CNTNAP5: variants seen among roughly 807,000 people sequenced by gnomAD.
CNTNAP5 encodes contactin associated protein family member 5.
In CNTNAP5, 72 loss-of-function variants were observed where a neutral mutation model predicts 150.2. The ratio of observed to expected loss-of-function variants is 0.48; its 90% confidence interval spans 0.40 to 0.58. The LOEUF is 0.58. Ranked by LOEUF, CNTNAP5 falls within the 20% of genes least tolerant of loss-of-function variation. The probability of loss-of-function intolerance (pLI) is 0.00; values close to 1 mark genes in which losing one functional copy is unlikely to be tolerated. For synonymous variants in CNTNAP5, 672 were observed against 619.8 expected (o/e 1.08, Z -1.25); for missense variants, 1,636 against 1,626.2 (o/e 1.01, Z -0.10).
At position 124,504,223 on chromosome 2, in the gene CNTNAP5, GT is replaced by G; in HGVS notation, c.1063-66del. The G allele has an allele frequency of 2.7e-6, 4 of 1,494,258 alleles. No homozygotes were observed. In the South Asian group the frequency reaches 4.9e-5, roughly 18 times the overall value. 92.6% of individuals were successfully genotyped at this position (1,494,258 alleles called of 1,614,324 possible). A position where few individuals can be genotyped will look rare whatever the true frequency, so the allele number is the denominator to read the frequency against. On this transcript the variant is annotated intron_variant, in intron 7 of 23. Coordinates refer to ENST00000682447, the MANE Select transcript of CNTNAP5 (RefSeq NM_001367498.1). ...AAATTAAGGTCAGCTCCAGGTGGTT[GT>G]TTATATCAGCTGTCAGATTGCGGAA...
chr2:124,218,803 G>C (rs1686228727), intron 1 of CNTNAP5, among the ~76,000 whole-genome samples: 1 of 152,124 alleles, frequency 6.6e-6, no homozygotes, highest in Admixed American at 6.6e-5. Context: ...TGAGAGTCTG[G>C]ACTGATAGAT....
chr2:124,124,821 C>T (rs565104629), intron 1 of CNTNAP5, among the ~76,000 whole-genome samples: 2 of 152,088 alleles, frequency 1.3e-5, no homozygotes, highest in Non-Finnish European at 2.9e-5. Context: ...CTAAGCTTCA[C>T]AAGTGGAGGA....
In CNTNAP5 at chr2:124,583,500, G is replaced by A. The variant is rs572114485; in HGVS notation, c.1756+20177G>A. On this transcript the variant is annotated intron_variant, in intron 11 of 23. Transcript: ENST00000682447. Reference sequence around the variant, plus strand: ...AAAGAGACAGTAGTATTAACCCATTGCAGTTCAATATTTTGTTTTTACTGA... The same window carrying A: ...AAAGAGACAGTAGTATTAACCCATTACAGTTCAATATTTTGTTTTTACTGA... Among the ~76,000 whole-genome samples the A allele has an allele frequency of 9.2e-5, 14 of 152,298 alleles. No individual in the cohort carries two copies. In the South Asian group the frequency reaches 2.7e-3, roughly 29 times the overall value.
chr2:124,656,333 C>A (rs1247763223), intron 13 of CNTNAP5, among the ~76,000 whole-genome samples: 1 of 152,106 alleles, frequency 6.6e-6, no homozygotes, highest in East Asian at 1.9e-4. Flanking sequence ...GGGTTTGGCC[C>A]TCCATTTTTT....
chr2:124,795,326 T>G (rs1681821892), intron 18 of CNTNAP5, among the ~76,000 whole-genome samples: 2 of 152,142 alleles, frequency 1.3e-5, no homozygotes, highest in African/African-American at 2.4e-5. Flanking sequence ...CCATCCCATT[T>G]CCAGCTCCTT....
chr2:124,394,582 T>C (rs77687593), intron 3 of CNTNAP5, among the ~76,000 whole-genome samples: 2 of 152,258 alleles, frequency 1.3e-5, no homozygotes, highest in East Asian at 1.9e-4. Context: ...GGAGAAGTTA[T>C]ATATTGAACA....
At chr2:124,048,218 T>A (rs754160116) in intron 1 of CNTNAP5, among the ~76,000 whole-genome samples, 1 of 152,162 alleles carries the variant, frequency 6.6e-6, no homozygotes, top group South Asian at 2.1e-4. Context: ...CATGGTGTCA[T>A]GGGGGAATGC....
Position 124,219,568 on chromosome 2 carries a change from C to T in CNTNAP5, c.83-2137C>T, listed in dbSNP as rs184602451. Among the ~76,000 whole-genome samples, 11 of 151,928 alleles carry T rather than the reference C, an allele frequency of 7.2e-5. No homozygotes were observed. In the East Asian group the frequency reaches 1.7e-3, roughly 24 times the overall value. ...AGAAGGCTTCTGTGAATGTAGATACCGTATTGATGCTTAAGACCTATATAT... is the reference window on the plus strand; with the variant it reads ...AGAAGGCTTCTGTGAATGTAGATACTGTATTGATGCTTAAGACCTATATAT... On this transcript the variant is annotated intron_variant, in intron 1 of 23. Transcript: ENST00000682447.
intron 1 of CNTNAP5, among the ~76,000 whole-genome samples, chr2:124,060,414 G>A (rs1681976672): frequency 6.6e-6 from 1 of 152,202 alleles, no homozygotes; most frequent in African/African-American, 2.4e-5. Flanking sequence ...AGATGCTCAT[G>A]GGCAGCTCCT....
intron 13 of CNTNAP5, among the ~76,000 whole-genome samples, chr2:124,653,917 C>A (rs528049268): frequency 1.3e-4 from 18 of 137,034 alleles, no homozygotes; most frequent in East Asian, 1.1e-3. Context: ...CCCAACCCCC[C>A]CCCCCCGCCA....
chr2:124,249,628 T>C (rs143259916), intron 3 of CNTNAP5, among the ~76,000 whole-genome samples: 1,723 of 152,324 alleles, frequency 0.011, 30 homozygotes, highest in African/African-American at 0.033. Context: ...GTTTCTTAAA[T>C]GTATTTGATT....
chr2:124,510,519 A>C (rs1489578131), intron 8 of CNTNAP5, among the ~76,000 whole-genome samples: 2 of 120,792 alleles, frequency 1.7e-5, no homozygotes, highest in South Asian at 2.8e-4. Context: ...ATATATATAT[A>C]CATATATCTC....
intron 1 of CNTNAP5, among the ~76,000 whole-genome samples, chr2:124,188,716 CAAAAAAAAAAA>C (rs70996047): frequency 1.4e-5 from 1 of 73,076 alleles, no homozygotes; most frequent in Middle Eastern, 0.011. Flanking sequence ...GACTCTGTCT[CAAAAAAAAAAA>C]AAAAAAAAAA....
intron 19 of CNTNAP5, among the ~76,000 whole-genome samples, chr2:124,819,861 T>C (rs1004673314): frequency 2.0e-5 from 3 of 152,218 alleles, no homozygotes; most frequent in Non-Finnish European, 2.9e-5. Flanking sequence ...AGCTGCTCAG[T>C]TACTGTGTGT....
chr2:124,177,434 T>C (rs1685095067), intron 1 of CNTNAP5, among the ~76,000 whole-genome samples: 1 of 152,152 alleles, frequency 6.6e-6, no homozygotes, highest in Non-Finnish European at 1.5e-5. Context: ...GAAAGTGTGA[T>C]GAGAAAACAG....
intron 11 of CNTNAP5, among the ~76,000 whole-genome samples, chr2:124,590,791 A>G (rs1696661056): frequency 6.6e-6 from 1 of 152,192 alleles, no homozygotes; most frequent in South Asian, 2.1e-4. Context: ...GTCTATTTCT[A>G]TAGTTTTACA....
chr2:124,426,866 A>T, intron 4 of CNTNAP5, among the ~76,000 whole-genome samples: 1 of 152,008 alleles, frequency 6.6e-6, no homozygotes, highest in South Asian at 2.1e-4. Flanking sequence ...CATTCTCAGT[A>T]CTCCAGGATG....
chr2:124,437,350 G>T (rs1012455372), intron 5 of CNTNAP5, among the ~76,000 whole-genome samples: 1 of 152,084 alleles, frequency 6.6e-6, no homozygotes, highest in Non-Finnish European at 1.5e-5. Flanking sequence ...TGTCCAGTCC[G>T]ATCCTCAAGG....
intron 7 of CNTNAP5, among the ~76,000 whole-genome samples, chr2:124,496,158 TA>T (rs907023216): frequency 2.0e-5 from 3 of 151,938 alleles, no homozygotes; most frequent in Admixed American, 1.3e-4. Context: ...AATAAGTCAA[TA>T]AAAAAATGAA....
Sources: allele counts gnomAD v4.1 joint callset (sites outside exome capture counted in the v4.1 genomes callset), GRCh38; gene constraint gnomAD v4.1.1; transcripts MANE v1.5; gene names NCBI Gene and HGNC (gene_info 2026-07-23, HGNC 2026-07-21).